The following KCNH7 variants were observed in gnomAD, a reference collection of about 807,000 sequenced individuals.
The protein encoded by KCNH7 is voltage-gated inwardly rectifying potassium channel KCNH7.
KCNH7 carries 49 observed loss-of-function variants against 120.8 expected under a neutral mutation model. The observed-to-expected ratio is 0.41, with a 90% CI of 0.32 to 0.51. The LOEUF (loss-of-function observed/expected upper bound fraction) is 0.51, where lower values mean the gene tolerates loss of function less well. Ranked by LOEUF, KCNH7 falls within the 20% of genes least tolerant of loss-of-function variation. The pLI is 0.38. For synonymous variants in KCNH7, 547 were observed against 516.1 expected (o/e 1.06, Z -0.81); for missense variants, 1,097 against 1,446.6 (o/e 0.76, Z 3.92).
chr2:162,668,108 A>T (rs1374987993), intron 2 of KCNH7, among the ~76,000 whole-genome samples: 2 of 152,160 alleles, frequency 1.3e-5, no homozygotes, highest in Admixed American at 6.5e-5. Context: ...CTTTTATGAT[A>T]TTTTTAATTT....
chr2:162,714,089 T>G (rs1687024280), intron 2 of KCNH7, among the ~76,000 whole-genome samples: 1 of 152,180 alleles, frequency 6.6e-6, no homozygotes, highest in South Asian at 2.1e-4. Flanking sequence ...AATATCTGAG[T>G]TCCGTGCCAG....
intron 2 of KCNH7, among the ~76,000 whole-genome samples, chr2:162,723,653 T>C (rs553401753): frequency 6.6e-6 from 1 of 152,362 alleles, no homozygotes; most frequent in African/African-American, 2.4e-5. Context: ...GATCAACTTT[T>C]CAATCTTTAT....
intron 2 of KCNH7, among the ~76,000 whole-genome samples, chr2:162,592,587 A>G (rs1328358964): frequency 4.6e-5 from 7 of 152,070 alleles, no homozygotes; most frequent in Non-Finnish European, 1.0e-4. Context: ...AGAAGCCAAA[A>G]TGCAAGCTGA....
intron 1 of KCNH7, among the ~76,000 whole-genome samples, chr2:162,837,814 G>A (rs1038351194): frequency 1.3e-5 from 2 of 152,030 alleles, no homozygotes; most frequent in Admixed American, 6.6e-5. Flanking sequence ...AAATTTTAAG[G>A]GGATAATAAA....
chr2:162,564,688 A>T (rs1318016055), intron 2 of KCNH7, among the ~76,000 whole-genome samples: 1 of 152,124 alleles, frequency 6.6e-6, no homozygotes, highest in Non-Finnish European at 1.5e-5. Context: ...GATGAGAAGG[A>T]TTATTGGTTT....
At chr2:162,450,813 A>C (rs1688742131) in intron 6 of KCNH7, among the ~76,000 whole-genome samples, 1 of 152,020 alleles carries the variant, frequency 6.6e-6, no homozygotes, top group Non-Finnish European at 1.5e-5. Flanking sequence ...AAGAGGATCA[A>C]GACCAGATAC....
intron 3 of KCNH7, among the ~76,000 whole-genome samples, chr2:162,520,656 C>A (rs991202952): frequency 5.9e-5 from 9 of 151,752 alleles, no homozygotes; most frequent in Non-Finnish European, 1.3e-4. Flanking sequence ...GTAGTCCGAG[C>A]CAGTCGGGAG....
At chr2:162,679,378 C>A (rs1343922154) in intron 2 of KCNH7, among the ~76,000 whole-genome samples, 1 of 151,466 alleles carries the variant, frequency 6.6e-6, no homozygotes, top group Non-Finnish European at 1.5e-5. Flanking sequence ...GAGTAGAGTG[C>A]ATTGGTAGAT....
intron 9 of KCNH7, among the ~76,000 whole-genome samples, chr2:162,411,296 T>C (rs1208139690): frequency 6.6e-6 from 1 of 152,130 alleles, no homozygotes; most frequent in Non-Finnish European, 1.5e-5. Context: ...AATGAAATTA[T>C]GTCCTTTGCA....
chr2:162,801,900 GT>G (rs1175837190), intron 2 of KCNH7, among the ~76,000 whole-genome samples: 1 of 151,714 alleles, frequency 6.6e-6, no homozygotes, highest in Non-Finnish European at 1.5e-5. Context: ...TGGCCCTGGA[GT>G]TTGTTATTAA....
chr2:162,757,689 A>C (rs545355792), intron 2 of KCNH7, among the ~76,000 whole-genome samples: 1 of 152,256 alleles, frequency 6.6e-6, no homozygotes, highest in African/African-American at 2.4e-5. Context: ...ATGAAAAAAA[A>C]ATTTACCCCT....
In KCNH7 at chr2:162,537,516, T is replaced by C. The variant is rs575197309; in HGVS notation, c.308-436A>G. 3.9e-5 allele frequency among the ~76,000 whole-genome samples: 6 copies of C among 152,208 alleles called. No homozygotes were observed. The East Asian group carries it at 1.2e-3, about 30-fold the overall frequency. On this transcript the variant is annotated intron_variant, in intron 2 of 15. Transcript: ENST00000332142. ...TGATTTTAAAAATAAGCAACTTATG[T>C]GCTTTTTCTCTTTTAATTTATTGGA...
chr2:162,838,389 A>C, intron 1 of KCNH7, 54 bp downstream of exon 1: 12 of 1,420,860 alleles, frequency 8.4e-6, no homozygotes, highest in Non-Finnish European at 1.1e-5. Flanking sequence ...GTGGACGCCA[A>C]GTGCACTAAC....
chr2:162,373,546 G>A lies in KCNH7; in HGVS notation c.3248C>T (p.Pro1083Leu), dbSNP rs1319348402. The A allele has an allele frequency of 1.3e-6, 2 of 1,590,616 alleles. No homozygotes were observed. The highest frequency in any genetic ancestry group is 2.3e-5 in the East Asian group (1 of 43,112). ...MVTAGSEYQR[P>L]IIQLMRTSQP... The stretch of plus-strand genomic sequence containing the variant: ...ACTGGTTCTCATCAGCTGGATGATG[G>A]GTCTCTGATATTCTGATCCTGCTGT... Residue 1083 changes from proline (P) to leucine (L), a missense_variant, in exon 15 of 16, where the codon CCC (proline) becomes CTC (leucine). Physicochemically the swap from Pro to Leu is moderately conservative, Grantham distance 98 (BLOSUM62 -3). Coordinates refer to ENST00000332142, the MANE Select transcript of KCNH7 (RefSeq NM_033272.4).
rs1229086621 is a variant in KCNH7, at chr2:162,423,146, T to C, written c.2154+190A>G. ...ATGTTATAATGCCTTTGCCACACAG[T>C]ATAACTAGATATAGCACCATGCAAT... On this transcript the variant is annotated intron_variant, in intron 9 of 15. Transcript: ENST00000332142. 5.0e-6 allele frequency: 6 copies of C among 1,206,706 alleles called. No individual in the cohort carries two copies. The Admixed American group carries it at 9.0e-5, about 18-fold the overall frequency. The allele number at this position is 1,206,706 out of a possible 1,614,324, so 74.7% of individuals were successfully genotyped here.
intron 2 of KCNH7, among the ~76,000 whole-genome samples, chr2:162,641,496 G>C (rs182457864): frequency 3.8e-4 from 58 of 151,994 alleles, no homozygotes; most frequent in Admixed American, 3.6e-3. Flanking sequence ...GAGCCCTTGA[G>C]ATCAGGTCAG....
At chr2:162,670,767 T>A (rs1685322817) in intron 2 of KCNH7, among the ~76,000 whole-genome samples, 3 of 148,814 alleles carry the variant, frequency 2.0e-5, no homozygotes, top group South Asian at 2.1e-4. Flanking sequence ...ACAAGAAAGG[T>A]GGAAAAAAAT....
Position 162,541,069 on chromosome 2 carries a change from G to A in KCNH7, c.308-3989C>T, listed in dbSNP as rs546594894. Among the ~76,000 whole-genome samples the A allele has an allele frequency of 3.9e-5, 6 of 152,216 alleles. No individual in the cohort carries two copies. The East Asian group carries it at 7.8e-4, about 20-fold the overall frequency. ...CATTTATTAAAATGGGGAAGACTGT[G>A]GAAGAAGGTGGCTTTTGGGATTGTG... On this transcript the variant is annotated intron_variant, in intron 2 of 15. Coordinates refer to ENST00000332142, the MANE Select transcript of KCNH7 (RefSeq NM_033272.4).
At chr2:162,485,519 A>G (rs1326612452) in intron 6 of KCNH7, among the ~76,000 whole-genome samples, 1 of 152,196 alleles carries the variant, frequency 6.6e-6, no homozygotes, top group Non-Finnish European at 1.5e-5. Context: ...TGCTAAAATT[A>G]AAGGAAACTC....
Sources: gnomAD v4.1 joint callset for allele counts (sites outside exome capture counted in the v4.1 genomes callset) on GRCh38, gnomAD v4.1.1 for gene constraint, MANE v1.5 for transcripts, NCBI Gene and HGNC (gene_info 2026-07-23, HGNC 2026-07-21) for gene names.